Variants in PHKB observed in about 807,000 individuals in gnomAD.
PHKB encodes the protein phosphorylase kinase regulatory subunit beta, also known as phosphorylase b kinase regulatory subunit beta.
In PHKB, 122 loss-of-function variants were observed where a neutral mutation model predicts 152.1. That is an observed-to-expected ratio of 0.80 (90% CI 0.69 to 0.93). The LOEUF (loss-of-function observed/expected upper bound fraction) is 0.93. PHKB is among the 40% of genes least tolerant of loss of function. The pLI is 0.00. For missense variants in PHKB, 1,304 were observed against 1,328.4 expected, an observed-to-expected ratio of 0.98 and a Z score of 0.29; for synonymous variants, 436 against 464.9, an observed-to-expected ratio of 0.94 and a Z score of 0.80.
chr16:47,688,084 A>C (rs958735294), intron 26 of PHKB, among the ~76,000 whole-genome samples: 5 of 152,238 alleles, frequency 3.3e-5, no homozygotes, highest in Non-Finnish European at 4.4e-5. Context: ...AAGTGTATGA[A>C]GAGAAAGAGA....
At chr16:47,693,591 T>G (rs1974100751) in intron 28 of PHKB, 84 bp downstream of exon 28, 5 of 1,407,796 alleles carry the variant, frequency 3.6e-6, no homozygotes. Flanking sequence ...AAATAACTTT[T>G]CTCCTTTTCA....
intron 19 of PHKB, 26 bp from the exon 20 acceptor site, chr16:47,650,805 A>G: frequency 1.3e-6 from 2 of 1,524,346 alleles, no homozygotes; most frequent in Non-Finnish European, 9.1e-7. Context: ...GTTAATCTGT[A>G]CATTTTGTTT....
chr16:47,566,303 G>T, intron 7 of PHKB: 1 of 1,076,676 alleles, frequency 9.3e-7, no homozygotes, highest in Non-Finnish European at 1.4e-6. Context: ...GAGCCCTTCA[G>T]TCTGTATCTG....
rs561327591 is a variant in PHKB at position 47,650,453 on chromosome 16, A to AGAATTTTG, written c.1798-90_1798-83dup. On this transcript the variant is annotated intron_variant, in intron 18 of 30. Coordinates refer to ENST00000323584, the MANE Select transcript of PHKB (RefSeq NM_000293.3). ...GGATTGTGAACTGTCTTGCTACATA[A>AGAATTTTG]GAATTTTGTTGGCTCTTTGGCACTC... 6.5e-5 allele frequency: 51 copies of AGAATTTTG among 786,770 alleles called. No individual in the cohort carries two copies. The East Asian group carries it at 1.0e-3, about 16-fold the overall frequency. The allele number at this position is 786,770 out of a possible 1,614,324, so 48.7% of individuals were successfully genotyped here. A position where few individuals can be genotyped will look rare whatever the true frequency, so the allele number is the denominator to read the frequency against.
chr16:47,681,085 T>G (rs1973845235), intron 26 of PHKB, among the ~76,000 whole-genome samples: 2 of 152,218 alleles, frequency 1.3e-5, no homozygotes, highest in Admixed American at 6.5e-5. Context: ...CGGGTTTGAG[T>G]GAGTTTCTTA....
At chr16:47,555,785 A>G (rs1014145229) in intron 7 of PHKB, among the ~76,000 whole-genome samples, 1 of 152,202 alleles carries the variant, frequency 6.6e-6, no homozygotes, top group African/African-American at 2.4e-5. Context: ...TATGAACTTT[A>G]AAGTAGTTTT....
chr16:47,596,558 T>C (rs372982089), intron 13 of PHKB, 27 bp downstream of exon 13: 25 of 1,601,346 alleles, frequency 1.6e-5, no homozygotes, highest in Non-Finnish European at 2.0e-5. Context: ...GGGAATGGTA[T>C]TTTTTTCCTT....
At chr16:47,500,071 G>A (rs1970299865) in intron 3 of PHKB, among the ~76,000 whole-genome samples, 177 bp downstream of exon 3, 1 of 149,880 alleles carries the variant, frequency 6.7e-6, no homozygotes, top group South Asian at 2.1e-4. Flanking sequence ...TTTTTGAGAT[G>A]AGGTTACCCA....
chr16:47,540,229 T>C (rs1399909450), intron 6 of PHKB, among the ~76,000 whole-genome samples: 2 of 152,072 alleles, frequency 1.3e-5, no homozygotes, highest in African/African-American at 2.4e-5. Flanking sequence ...CTCAGGTTTA[T>C]TAGGGTGTGG....
At chr16:47,467,865 A>G (rs1361868548) in intron 1 of PHKB, among the ~76,000 whole-genome samples, 1 of 152,190 alleles carries the variant, frequency 6.6e-6, no homozygotes, top group Admixed American at 6.5e-5. Flanking sequence ...ATGAGAGAGT[A>G]AGAGGAACTC....
intron 13 of PHKB, among the ~76,000 whole-genome samples, chr16:47,606,245 T>C (rs938878540): frequency 1.3e-5 from 2 of 152,196 alleles, no homozygotes; most frequent in African/African-American, 2.4e-5. Flanking sequence ...CAGATGTGCC[T>C]GGAAGATACC....
intron 14 of PHKB, among the ~76,000 whole-genome samples, chr16:47,631,881 A>G (rs1972834249): frequency 6.6e-6 from 1 of 152,042 alleles, no homozygotes; most frequent in South Asian, 2.1e-4. Flanking sequence ...TCCATCATTG[A>G]TGGGCATTTG....
chr16:47,503,039 T>C lies in PHKB; in HGVS notation c.354T>C (p.Ala118=), dbSNP rs756329371. ...KGRTHELEHS[A]IKCMRGILYC... ...GGACCCATGAGCTGGAGCACTCAGC[T>C]ATAAAATGCATGAGAGGAATTCTCT... Residue 118 remains alanine, a synonymous_variant, in exon 4 of 31, where the codon GCT becomes GCC. Coordinates refer to ENST00000323584, the MANE Select transcript of PHKB (RefSeq NM_000293.3). The C allele has an allele frequency of 1.2e-6, 2 of 1,613,860 alleles. No individual in the cohort carries two copies. Among genetic ancestry groups the C allele is most frequent in the Non-Finnish European group, 1.7e-6 (2 of 1,179,704 alleles).
At chr16:47,500,707 A>C (rs754331539) in intron 3 of PHKB, among the ~76,000 whole-genome samples, 3 of 152,096 alleles carry the variant, frequency 2.0e-5, no homozygotes, top group Non-Finnish European at 4.4e-5. Context: ...AGTTAAAAAA[A>C]AAAAAGAAAT....
intron 13 of PHKB, among the ~76,000 whole-genome samples, chr16:47,608,946 G>A (rs796627515): frequency 7.9e-5 from 12 of 152,286 alleles, no homozygotes; most frequent in African/African-American, 2.9e-4. Flanking sequence ...GAATAGAAGT[G>A]GTGAGAGTGG....
intron 26 of PHKB, among the ~76,000 whole-genome samples, chr16:47,677,133 G>A (rs1309512400): frequency 6.6e-6 from 1 of 152,116 alleles, no homozygotes; most frequent in Non-Finnish European, 1.5e-5. Context: ...TCATTAGCAC[G>A]GTTCTGATAC....
At chr16:47,538,327 C>T (rs1238563562) in intron 6 of PHKB, among the ~76,000 whole-genome samples, 1 of 152,186 alleles carries the variant, frequency 6.6e-6, no homozygotes, top group Non-Finnish European at 1.5e-5. Context: ...AGGAAGGTTT[C>T]CCTTAAGGTA....
intron 14 of PHKB, among the ~76,000 whole-genome samples, chr16:47,622,607 C>T (rs545465309): frequency 2.2e-4 from 34 of 152,330 alleles, no homozygotes; most frequent in African/African-American, 7.9e-4. Flanking sequence ...TTCAGTTTCG[C>T]ATTCAGTGAC....
intron 1 of PHKB, among the ~76,000 whole-genome samples, chr16:47,491,490 T>G (rs1159716451): frequency 6.6e-6 from 1 of 152,224 alleles, no homozygotes; most frequent in Admixed American, 6.5e-5. Context: ...TAAAGTCACG[T>G]GAACTAAAAG....
Sources: gnomAD v4.1 joint callset for allele counts (sites outside exome capture counted in the v4.1 genomes callset) on GRCh38, gnomAD v4.1.1 for gene constraint, MANE v1.5 for transcripts, NCBI Gene and HGNC (gene_info 2026-07-23, HGNC 2026-07-21) for gene names.